BTAF1: variants seen among roughly 807,000 people sequenced by gnomAD.
BTAF1 encodes B-TFIID TATA-box binding protein associated factor 1.
Under a neutral mutation model 227.1 loss-of-function variants are expected in BTAF1, and 38 were observed. That is an observed-to-expected ratio of 0.17 (90% CI 0.13 to 0.22). The LOEUF is 0.22. Ranked by LOEUF, BTAF1 falls within the 10% of genes least tolerant of loss-of-function variation. The pLI, the probability that BTAF1 is intolerant of heterozygous loss-of-function variation, is 1.00. For missense variants in BTAF1, 1,598 were observed against 2,204.0 expected (o/e 0.73, Z 5.51); for synonymous variants, 742 against 751.9 (o/e 0.99, Z 0.21).
At position 92,031,257 on chromosome 10, in the gene BTAF1, T is replaced by G. The variant is rs1368580409; in HGVS notation, c.*2324T>G. Among the ~76,000 whole-genome samples, 2 of 152,212 alleles carry G rather than the reference T, an allele frequency of 1.3e-5. No individual in the cohort carries two copies. Among genetic ancestry groups the G allele is most frequent in the African/African-American group, 4.8e-5 (2 of 41,452 alleles). On this transcript the variant is annotated 3_prime_UTR_variant, in exon 38 of 38. Coordinates refer to ENST00000265990, the MANE Select transcript of BTAF1 (RefSeq NM_003972.3). ...CTGGGTATAATTTTTGTTTCATATA[T>G]TCACTCATATATATGCTTATTGTAT...
chr10:91,934,204 G>A (rs1844445241), intron 1 of BTAF1, among the ~76,000 whole-genome samples: 1 of 151,858 alleles, frequency 6.6e-6, no homozygotes, highest in African/African-American at 2.4e-5. Context: ...CATAGTTTGA[G>A]GTCTTAGATT....
chr10:92,005,133 A>G (rs1252600676), intron 25 of BTAF1, among the ~76,000 whole-genome samples: 1 of 152,004 alleles, frequency 6.6e-6, no homozygotes, highest in African/African-American at 2.4e-5. Flanking sequence ...TGATTATTAT[A>G]CCTTTGTAGT....
At chr10:92,027,013 TA>T in intron 36 of BTAF1, 116 bp from the exon 37 acceptor site, 1 of 1,149,918 alleles carries the variant, frequency 8.7e-7, no homozygotes. Context: ...CCAGACAAAA[TA>T]AAAATCCAAC....
chr10:91,972,246 T>C (rs1282305688), intron 14 of BTAF1, among the ~76,000 whole-genome samples: 1 of 152,192 alleles, frequency 6.6e-6, no homozygotes, highest in Non-Finnish European at 1.5e-5. Context: ...CATTTTCCCC[T>C]AATATTTCCT....
intron 14 of BTAF1, among the ~76,000 whole-genome samples, chr10:91,967,948 C>G (rs1043996730): frequency 2.0e-5 from 3 of 151,948 alleles, no homozygotes; most frequent in Non-Finnish European, 4.4e-5. Context: ...TCCTGAATAC[C>G]CTTTTATCCC....
At chr10:91,932,720 T>G (rs960495401) in intron 1 of BTAF1, among the ~76,000 whole-genome samples, 1 of 152,250 alleles carries the variant, frequency 6.6e-6, no homozygotes, top group African/African-American at 2.4e-5. Flanking sequence ...TAATCTCTGT[T>G]GCATAGTAGT....
Position 92,016,331 on chromosome 10 carries a change from AT to A in BTAF1, c.4585-5del, listed in dbSNP as rs1850723124. ...ACTTAAAGCTTCTCCCACGGGGGCC[AT>A]TTTACAGGTTCAGCTCTATGAAGAT... On this transcript the variant is annotated splice_polypyrimidine_tract_variant and splice_region_variant and intron_variant, in intron 32 of 37. Transcript: ENST00000265990. The A allele has an allele frequency of 6.3e-7, 1 of 1,587,800 alleles. No homozygotes were observed. The highest frequency in any genetic ancestry group is 1.4e-5 in the African/African-American group (1 of 73,476).
intron 1 of BTAF1, among the ~76,000 whole-genome samples, chr10:91,933,572 G>T (rs1844409438): frequency 6.6e-6 from 1 of 152,154 alleles, no homozygotes; most frequent in South Asian, 2.1e-4. Flanking sequence ...GGAAAGTATT[G>T]TAAGAATGGG....
intron 4 of BTAF1, among the ~76,000 whole-genome samples, chr10:91,943,304 ACT>A (rs1845140934): frequency 6.6e-6 from 1 of 152,242 alleles, no homozygotes; most frequent in African/African-American, 2.4e-5. Context: ...ACAGAGGTAG[ACT>A]CTGTCTCAAA....
At chr10:91,932,420 TATAAA>T (rs1235691063) in intron 1 of BTAF1, among the ~76,000 whole-genome samples, 1 of 152,202 alleles carries the variant, frequency 6.6e-6, no homozygotes, top group Non-Finnish European at 1.5e-5. Context: ...AAAAAGGTAA[TATAAA>T]ATATTTTTTC....
intron 3 of BTAF1, among the ~76,000 whole-genome samples, chr10:91,941,584 A>G (rs10786025): frequency 0.59 from 90,212 of 152,080 alleles, 30,473 homozygotes; most frequent in East Asian, 0.77. Flanking sequence ...CCAGAGTATG[A>G]GAACTGAGTC....
At position 91,993,746 on chromosome 10, in the gene BTAF1, C is replaced by T; in HGVS notation, c.3098C>T (p.Thr1033Ile). Reference sequence around the variant, plus strand: ...AGAGGAGCTGAATTTGCTTTGACAACTATAGTAAAGCATTTTGGTGGTGAA... The same window carrying T: ...AGAGGAGCTGAATTTGCTTTGACAATTATAGTAAAGCATTTTGGTGGTGAA... ...QRRGAEFALT[T>I]IVKHFGGEMA... is the part of the protein sequence containing the mutation. The change falls in exon 22 of 38, where the codon ACT (threonine) becomes ATT (isoleucine). Residue 1033 changes from threonine to isoleucine, a missense_variant. By Grantham distance (89) the Thr-to-Ile change is moderately conservative (BLOSUM62 -1). Around this residue, in one of 10 missense-constraint regions of BTAF1, gnomAD observed 425 missense variants for 491.2 expected, o/e 0.87. Coordinates refer to ENST00000265990, the MANE Select transcript of BTAF1 (RefSeq NM_003972.3). 1 of 1,600,616 alleles carries T rather than the reference C, an allele frequency of 6.2e-7. No individual in the cohort carries two copies. The highest frequency in any genetic ancestry group is 1.1e-5 in the South Asian group (1 of 88,070).
chr10:91,970,832 A>AG (rs1281359966), intron 14 of BTAF1, among the ~76,000 whole-genome samples: 1 of 152,266 alleles, frequency 6.6e-6, no homozygotes, highest in African/African-American at 2.4e-5. Flanking sequence ...CAGCATTAAA[A>AG]GACAAACTAA....
At chr10:91,955,900 A>G (rs1458579260) in intron 6 of BTAF1, among the ~76,000 whole-genome samples, 1 of 152,196 alleles carries the variant, frequency 6.6e-6, no homozygotes, top group Non-Finnish European at 1.5e-5. Flanking sequence ...GGGGAGAAGT[A>G]TTTATAGAAA....
At chr10:91,994,206 A>T (rs1848990486) in intron 22 of BTAF1, among the ~76,000 whole-genome samples, 1 of 152,094 alleles carries the variant, frequency 6.6e-6, no homozygotes, top group Admixed American at 6.5e-5. Context: ...AGGCTGAGGC[A>T]GGAGGATTGC....
At position 91,962,695 on chromosome 10, in the gene BTAF1, TAC is replaced by T. The variant is rs781730589; in HGVS notation, c.1404+19_1404+20del. On this transcript the variant is annotated intron_variant, in intron 12 of 37. Transcript: ENST00000265990. Reference sequence around the variant, plus strand: ...ACACAAAAGGTAAATTAAATATTTTTACAGTTTCTTACTATAGAGCTTGTTTT... The same window carrying T: ...ACACAAAAGGTAAATTAAATATTTTTAGTTTCTTACTATAGAGCTTGTTTT... 2.5e-6 allele frequency: 4 copies of T among 1,571,212 alleles called. No homozygotes were observed. In the South Asian group the frequency reaches 4.8e-5, roughly 19 times the overall value.
intron 30 of BTAF1, among the ~76,000 whole-genome samples, chr10:92,012,752 CAG>C (rs1391829016): frequency 9.5e-6 from 1 of 105,670 alleles, no homozygotes; most frequent in East Asian, 2.9e-4. Flanking sequence ...GCCTGGGTGA[CAG>C]AGTGAGACTC....
At chr10:91,973,118 T>C (rs1847423009) in intron 14 of BTAF1, among the ~76,000 whole-genome samples, 1 of 152,240 alleles carries the variant, frequency 6.6e-6, no homozygotes, top group African/African-American at 2.4e-5. Flanking sequence ...TAAGTATTCC[T>C]AATTAGTCAG....
intron 25 of BTAF1, among the ~76,000 whole-genome samples, chr10:92,004,337 C>A (rs1478278198): frequency 6.6e-6 from 1 of 152,242 alleles, no homozygotes; most frequent in Non-Finnish European, 1.5e-5. Flanking sequence ...ATTATACTTA[C>A]CAGTTGAGCA....
Sources: allele counts gnomAD v4.1 joint callset (sites outside exome capture counted in the v4.1 genomes callset), GRCh38; gene constraint gnomAD v4.1.1; regional missense constraint gnomAD v4.1.1; transcripts MANE v1.5; gene names NCBI Gene and HGNC (gene_info 2026-07-23, HGNC 2026-07-21).